INTS3: variants seen among roughly 807,000 people sequenced by gnomAD.
INTS3 encodes the protein integrator complex subunit 3, also known as SOSS complex subunit A.
In INTS3, 34 loss-of-function variants were observed where a neutral mutation model predicts 146.3. The observed-to-expected ratio is 0.23, with a 90% CI of 0.18 to 0.31. INTS3 has a LOEUF of 0.31. Ranked by LOEUF, INTS3 falls within the 10% of genes least tolerant of loss-of-function variation. The pLI, the probability that INTS3 is intolerant of heterozygous loss-of-function variation, is 1.00. For synonymous variants in INTS3, 475 were observed against 494.9 expected (o/e 0.96, Z 0.53); for missense variants, 757 against 1,304.2 (o/e 0.58, Z 6.46).
In INTS3 at chr1:153,773,410, C is replaced by G; in HGVS notation, c.*140C>G. ...CTCCCCCGGTGGAAGGAGGAGCTTT[C>G]TCCTCTGGCTGAGTTTGAGAAGCTG... On this transcript the variant is annotated 3_prime_UTR_variant, in exon 30 of 30. Transcript: ENST00000318967. 1 of 793,124 alleles carries G rather than the reference C, an allele frequency of 1.3e-6. No homozygotes were observed. The highest frequency in any genetic ancestry group is 2.1e-6 in the Non-Finnish European group (1 of 473,272). The allele number at this position is 793,124 out of a possible 1,614,324, so 49.1% of individuals were successfully genotyped here.
chr1:153,750,592 C>G (rs1386466934), intron 6 of INTS3, among the ~76,000 whole-genome samples: 1 of 152,176 alleles, frequency 6.6e-6, no homozygotes, highest in African/African-American at 2.4e-5. Context: ...ACAGTATGTT[C>G]TCAAAACTCC....
rs550260183 is a variant in INTS3, at chr1:153,748,871, G to A, written c.584+116G>A. 85 of 828,466 alleles carry A rather than the reference G, an allele frequency of 1.0e-4. No homozygotes were observed. The Middle Eastern group carries it at 2.5e-3, about 25-fold the overall frequency. 51.3% of individuals were successfully genotyped at this position (828,466 alleles called of 1,614,324 possible). A position where few individuals can be genotyped will look rare whatever the true frequency, so the allele number is the denominator to read the frequency against. Reference sequence around the variant, plus strand: ...CCAAGAACACCTTAAGTTAGAGAGGGGGAGGCAAGGAGAGGGAGAGACAAG... The same window carrying A: ...CCAAGAACACCTTAAGTTAGAGAGGAGGAGGCAAGGAGAGGGAGAGACAAG... On this transcript the variant is annotated intron_variant, in intron 6 of 29. Coordinates refer to ENST00000318967, the MANE Select transcript of INTS3 (RefSeq NM_023015.5).
At chr1:153,740,495 A>G (rs1379293522) in intron 1 of INTS3, among the ~76,000 whole-genome samples, 156 bp from the exon 2 acceptor site, 1 of 151,980 alleles carries the variant, frequency 6.6e-6, no homozygotes, top group African/African-American at 2.4e-5. Flanking sequence ...CACATTTTAG[A>G]TTTTGCTGGT....
At chr1:153,728,832 GATAC>G in intron 1 of INTS3, 48 bp downstream of exon 1, 1 of 776,484 alleles carries the variant, frequency 1.3e-6, no homozygotes, top group Non-Finnish European at 1.8e-6. Context: ...GTTTTGGAGG[GATAC>G]TGGAGCGGAT....
At chr1:153,769,869 C>T (rs944608345) in intron 23 of INTS3, 25 bp downstream of exon 23, 15 of 1,510,182 alleles carry the variant, frequency 9.9e-6, no homozygotes, top group Admixed American at 1.7e-5. Context: ...CTTTAGGTGC[C>T]TGGGAGAGGA....
At chr1:153,745,862 T>C (rs61803570) in intron 3 of INTS3, among the ~76,000 whole-genome samples, 20,708 of 152,124 alleles carry the variant, frequency 0.14, 2,527 homozygotes, top group African/African-American at 0.33. Context: ...TTCCAGCTAC[T>C]GAGGAGGCCG....
chr1:153,731,629 CT>C (rs1050294632), intron 1 of INTS3, among the ~76,000 whole-genome samples: 84 of 132,972 alleles, frequency 6.3e-4, no homozygotes, highest in Non-Finnish European at 9.2e-4. Context: ...GTCGCCCAGG[CT>C]GGAGTGGTGC....
Position 153,764,733 on chromosome 1 carries a change from A to G in INTS3, c.1969A>G (p.Arg657Gly). The G allele has an allele frequency of 6.2e-7, 1 of 1,605,738 alleles. No homozygotes were observed. The highest frequency in any genetic ancestry group is 8.5e-7 in the Non-Finnish European group (1 of 1,172,438). The change falls in exon 19 of 30, where the codon AGG becomes GGG. Residue 657 changes from arginine (R) to glycine (G), a missense_variant and splice_region_variant. Transcript: ENST00000318967. Reference protein sequence around the residue: ...SVGKPLYLIFRNLCQMQEDNS... With the variant: ...SVGKPLYLIFGNLCQMQEDNS... ...AGGAAAGCCTCTGTACCTAATATTT[A>G]GGTAAGCACGCAGCTATAGGAGATA...
intron 6 of INTS3, among the ~76,000 whole-genome samples, chr1:153,749,203 G>C (rs1304253053): frequency 6.6e-6 from 1 of 152,136 alleles, no homozygotes; most frequent in African/African-American, 2.4e-5. Flanking sequence ...ATAGAGATTA[G>C]TGAATCCTGC....
At chr1:153,752,247 T>C (rs1467802480) in intron 7 of INTS3, 32 bp from the exon 8 acceptor site, 2 of 1,609,016 alleles carry the variant, frequency 1.2e-6, no homozygotes, top group South Asian at 2.2e-5. Context: ...TTTATTCTCT[T>C]TCCTGTCCCC....
At chr1:153,770,951 TCGGAGGTG>T (rs556445935) in intron 25 of INTS3, among the ~76,000 whole-genome samples, 10 of 152,260 alleles carry the variant, frequency 6.6e-5, no homozygotes, top group African/African-American at 1.9e-4. Flanking sequence ...GGAGCTGCCC[TCGGAGGTG>T]GGGAGGTGGG....
intron 20 of INTS3, 126 bp downstream of exon 20, chr1:153,765,189 G>A: frequency 9.5e-7 from 1 of 1,050,264 alleles, no homozygotes; most frequent in Non-Finnish European, 1.4e-6. Flanking sequence ...GTTTGGTTGA[G>A]TTGGTTTGTT....
At chr1:153,768,779 C>G in intron 21 of INTS3, 114 bp from the exon 22 acceptor site, 1 of 770,694 alleles carries the variant, frequency 1.3e-6, no homozygotes, top group Non-Finnish European at 2.3e-6. Context: ...TATTTTAGGG[C>G]CTGTGTCTGG....
At chr1:153,745,161 C>CTTT (rs11438435) in intron 3 of INTS3, among the ~76,000 whole-genome samples, 4 of 138,832 alleles carry the variant, frequency 2.9e-5, no homozygotes, top group Non-Finnish European at 4.6e-5. Context: ...CCTTGCTGTA[C>CTTT]TTTTTTTTTT....
intron 14 of INTS3, among the ~76,000 whole-genome samples, chr1:153,762,303 T>C (rs963056802): frequency 3.9e-5 from 6 of 152,112 alleles, no homozygotes; most frequent in African/African-American, 1.4e-4. Flanking sequence ...CAAAAAAATT[T>C]GTATTTGGCG....
chr1:153,742,478 C>CTCTGTGTGTGTGTGTGTGTG (rs146023592), intron 3 of INTS3, among the ~76,000 whole-genome samples: 5 of 147,548 alleles, frequency 3.4e-5, no homozygotes, highest in African/African-American at 1.3e-4. Context: ...TTTTTAATCT[C>CTCTGTGTGTGTGTGTGTGTG]TGTGTGTGTG....
chr1:153,773,390 C>T lies in INTS3; in HGVS notation c.*120C>T. ...ACCCTTGCTGCATCCCCAAGCTCCC[C>T]CGGTGGAAGGAGGAGCTTTCTCCTC... is the stretch of plus-strand genomic sequence containing the variant. On this transcript the variant is annotated 3_prime_UTR_variant, in exon 30 of 30. Transcript: ENST00000318967. The T allele has an allele frequency of 3.1e-6, 3 of 954,570 alleles. No homozygotes were observed. Among genetic ancestry groups the T allele is most frequent in the Non-Finnish European group, 5.0e-6 (3 of 601,388 alleles). 59.1% of individuals were successfully genotyped at this position (954,570 alleles called of 1,614,324 possible). A position where few individuals can be genotyped will look rare whatever the true frequency, so the allele number is the denominator to read the frequency against.
At chr1:153,732,962 C>T (rs1671136591) in intron 1 of INTS3, among the ~76,000 whole-genome samples, 1 of 151,506 alleles carries the variant, frequency 6.6e-6, no homozygotes, top group Non-Finnish European at 1.5e-5. Flanking sequence ...CACCACCATG[C>T]CCGGCTAATT....
intron 25 of INTS3, 49 bp downstream of exon 25, chr1:153,770,782 G>A (rs752208079): frequency 1.4e-6 from 2 of 1,448,836 alleles, no homozygotes; most frequent in Non-Finnish European, 1.9e-6. Flanking sequence ...AACATCCCAA[G>A]AGCTGCTGTG....
Sources: gnomAD v4.1 joint callset for allele counts (sites outside exome capture counted in the v4.1 genomes callset) on GRCh38, gnomAD v4.1.1 for gene constraint, MANE v1.5 for transcripts, NCBI Gene and HGNC (gene_info 2026-07-23, HGNC 2026-07-21) for gene names.